Variants in RYR3 observed in about 807,000 individuals in gnomAD.
RYR3 encodes ryanodine receptor 3.
A neutral mutation model predicts 584.3 loss-of-function variants in RYR3; 207 were observed. That is an observed-to-expected ratio of 0.35 (90% CI 0.32 to 0.40). The LOEUF (loss-of-function observed/expected upper bound fraction) is 0.40. RYR3 is among the 10% of genes least tolerant of loss of function. The pLI, the probability that RYR3 is intolerant of heterozygous loss-of-function variation, is 1.00. For missense variants in RYR3, 5,616 were observed against 6,089.2 expected (o/e 0.92, Z 2.59); for synonymous variants, 2,416 against 2,248.5 (o/e 1.07, Z -2.11).
At chr15:33,419,579 T>G (rs867583916) in intron 1 of RYR3, among the ~76,000 whole-genome samples, 12 of 152,338 alleles carry the variant, frequency 7.9e-5, no homozygotes, top group Middle Eastern at 6.8e-3. Context: ...ACCTTTCTGC[T>G]GACAGGCTCT....
chr15:33,317,679 G>A (rs1016861738), intron 1 of RYR3, among the ~76,000 whole-genome samples: 2 of 152,038 alleles, frequency 1.3e-5, no homozygotes, highest in African/African-American at 2.4e-5. Context: ...TCTGATTCCC[G>A]GTTGTTAGAA....
chr15:33,586,481 A>G (rs1224389501), intron 16 of RYR3, among the ~76,000 whole-genome samples: 2 of 152,220 alleles, frequency 1.3e-5, no homozygotes, highest in South Asian at 2.1e-4. Flanking sequence ...CAAGCTGTAT[A>G]GAAAAGGTAT....
intron 65 of RYR3, among the ~76,000 whole-genome samples, chr15:33,780,638 G>A (rs974823185): frequency 6.6e-6 from 1 of 152,236 alleles, no homozygotes; most frequent in African/African-American, 2.4e-5. Context: ...CTGGGTTTCA[G>A]TTCCCCCTCT....
chr15:33,504,012 C>G (rs1430770079), intron 3 of RYR3, among the ~76,000 whole-genome samples: 1 of 152,144 alleles, frequency 6.6e-6, no homozygotes, highest in Non-Finnish European at 1.5e-5. Flanking sequence ...CTCTCTTATC[C>G]CAGAATTCAC....
At chr15:33,818,984 A>ATGG (rs1276735869) in intron 76 of RYR3, among the ~76,000 whole-genome samples, 5 of 152,172 alleles carry the variant, frequency 3.3e-5, no homozygotes, top group Non-Finnish European at 5.9e-5. Flanking sequence ...TTAGCCGGGC[A>ATGG]TGGTGGTGCA....
chr15:33,859,503 G>T (rs2153013089), intron 99 of RYR3, 72 bp from the exon 100 acceptor site: 2 of 1,552,128 alleles, frequency 1.3e-6, no homozygotes, highest in East Asian at 2.2e-5. Context: ...CGAATCATAT[G>T]AATGATCTGA....
chr15:33,741,486 T>TTTA (rs1488972499), intron 51 of RYR3, among the ~76,000 whole-genome samples: 1 of 724 alleles, frequency 1.4e-3, no homozygotes, highest in African/African-American at 2.4e-3. Context: ...CTGCATGCAA[T>TTTA]ATAAGACTGT....
At chr15:33,552,047 C>A (rs2056717513) in intron 10 of RYR3, among the ~76,000 whole-genome samples, 2 of 152,142 alleles carry the variant, frequency 1.3e-5, no homozygotes, top group African/African-American at 4.8e-5. Context: ...AGCCTTCTAC[C>A]CCCTTTCTCC....
At chr15:33,725,974 C>CACG (rs2068391095) in intron 45 of RYR3, among the ~76,000 whole-genome samples, 1 of 37,622 alleles carries the variant, frequency 2.7e-5, no homozygotes, top group East Asian at 1.4e-3. Context: ...CATCCCCCCC[C>CACG]CCAAAAAAAA....
At chr15:33,835,095 C>A (rs762110477) in intron 87 of RYR3, 23 bp downstream of exon 87, 204 of 1,543,604 alleles carry the variant, frequency 1.3e-4, no homozygotes, top group Non-Finnish European at 1.7e-4. Flanking sequence ...ATTCCCTGCA[C>A]GTGTCATTGT....
chr15:33,855,764 T>TTAA (rs1452501535), intron 98 of RYR3: 1 of 152,202 alleles, frequency 6.6e-6, no homozygotes, highest in African/African-American at 2.4e-5. Context: ...TATTATATAG[T>TTAA]TAATATATAA....
chr15:33,428,013 C>T (rs1230127868), intron 1 of RYR3, among the ~76,000 whole-genome samples: 1 of 152,228 alleles, frequency 6.6e-6, no homozygotes, highest in Non-Finnish European at 1.5e-5. Context: ...CCTCTTCTCC[C>T]TTATCAATCC....
chr15:33,413,380 A>G (rs2141511127), intron 1 of RYR3, among the ~76,000 whole-genome samples: 1 of 152,366 alleles, frequency 6.6e-6, no homozygotes, highest in African/African-American at 2.4e-5. Context: ...AAACCAAAGC[A>G]AGAGAAAACA....
chr15:33,640,018 C>T (rs1209413139), intron 27 of RYR3, among the ~76,000 whole-genome samples: 1 of 151,650 alleles, frequency 6.6e-6, no homozygotes, highest in Non-Finnish European at 1.5e-5. Flanking sequence ...GTGTGGTCTC[C>T]TGTGCTGCCT....
intron 1 of RYR3, among the ~76,000 whole-genome samples, chr15:33,336,693 A>C (rs1971134649): frequency 6.6e-6 from 1 of 151,638 alleles, no homozygotes. Context: ...GCAAAGGAGA[A>C]AGAAGAAGCT....
intron 3 of RYR3, among the ~76,000 whole-genome samples, chr15:33,524,469 A>G (rs922518906): frequency 6.6e-6 from 1 of 152,152 alleles, no homozygotes; most frequent in Non-Finnish European, 1.5e-5. Flanking sequence ...TGTTGCGCCT[A>G]TTATAATGCT....
At chr15:33,445,760 A>T (rs2046601202) in intron 1 of RYR3, among the ~76,000 whole-genome samples, 1 of 150,862 alleles carries the variant, frequency 6.6e-6, no homozygotes, top group Non-Finnish European at 1.5e-5. Context: ...GAAGAATTCA[A>T]TGGTTTATTT....
At chr15:33,540,428 T>G (rs1020040448) in intron 6 of RYR3, among the ~76,000 whole-genome samples, 5 of 152,092 alleles carry the variant, frequency 3.3e-5, no homozygotes, top group African/African-American at 1.2e-4. Flanking sequence ...TCAACTGAAG[T>G]AAAATCTGTG....
At chr15:33,854,123 C>G (rs11630104) in intron 96 of RYR3, among the ~76,000 whole-genome samples, 148,693 of 151,504 alleles carry the variant, frequency 0.98, 73,031 homozygotes, top group Middle Eastern at 1. Flanking sequence ...TTGAACCTGG[C>G]AGGTGGAGGT....
Sources: allele counts gnomAD v4.1 joint callset (sites outside exome capture counted in the v4.1 genomes callset), GRCh38; gene constraint gnomAD v4.1.1; transcripts MANE v1.5; gene names NCBI Gene and HGNC (gene_info 2026-07-23, HGNC 2026-07-21).